The following ZYG11B variants were observed in gnomAD, a reference collection of about 807,000 sequenced individuals.
ZYG11B encodes zyg-11 family member B, cell cycle regulator.
In ZYG11B, 36 loss-of-function variants were observed where a neutral mutation model predicts 82.4. The ratio of observed to expected loss-of-function variants is 0.44; its 90% CI spans 0.33 to 0.58. The LOEUF (loss-of-function observed/expected upper bound fraction) is 0.58. Among genes scored for constraint, ZYG11B ranks in the 20% least tolerant of loss-of-function variants. The pLI is 0.02. For missense variants in ZYG11B, 552 were observed against 895.6 expected (o/e 0.62, Z 4.90); for synonymous variants, 303 against 312.8 (o/e 0.97, Z 0.33).
intron 4 of ZYG11B, among the ~76,000 whole-genome samples, chr1:52,782,403 T>G (rs149837858): frequency 6.6e-6 from 1 of 150,782 alleles, no homozygotes; most frequent in Non-Finnish European, 1.5e-5. Context: ...TTTTTAAAGA[T>G]ACAAGATCTA....
In ZYG11B at chr1:52,824,820, G is replaced by A. The variant is rs932893468; in HGVS notation, c.*3191G>A. 1 of 152,108 alleles carries A rather than the reference G, an allele frequency of 6.6e-6. No individual in the cohort carries two copies. Among genetic ancestry groups the A allele is most frequent in the Non-Finnish European group, 1.5e-5 (1 of 68,026 alleles). 9.4% of individuals were successfully genotyped at this position (152,108 alleles called of 1,614,324 possible). ...TGGAATTATGAGGCATAAGTAGCCA[G>A]TATCTATAGTTAGAATCTACAAGGC... is the stretch of plus-strand genomic sequence containing the variant. On this transcript the variant is annotated 3_prime_UTR_variant, in exon 14 of 14. Coordinates refer to ENST00000294353, the MANE Select transcript of ZYG11B (RefSeq NM_024646.3).
At chr1:52,819,882 C>G (rs1645268235) in intron 13 of ZYG11B, among the ~76,000 whole-genome samples, 1 of 151,098 alleles carries the variant, frequency 6.6e-6, no homozygotes, top group African/African-American at 2.4e-5. Context: ...AGGTTTTACT[C>G]TATGGAATGA....
At chr1:52,790,644 G>A (rs953365697) in intron 6 of ZYG11B, among the ~76,000 whole-genome samples, 10 of 147,410 alleles carry the variant, frequency 6.8e-5, no homozygotes, top group African/African-American at 1.8e-4. Flanking sequence ...TCGTTTGAAC[G>A]GAGGCGGCGG....
rs1417320577 is a variant in ZYG11B at position 52,823,383 on chromosome 1, A to G, written c.*1754A>G. 1 of 152,046 alleles carries G rather than the reference A, an allele frequency of 6.6e-6. No homozygotes were observed. The highest frequency in any genetic ancestry group is 1.5e-5 in the Non-Finnish European group (1 of 68,020). The allele number at this position is 152,046 out of a possible 1,614,324, so 9.4% of individuals were successfully genotyped here. ...CTGACTCAAATAAATATCTAAATAG[A>G]TATTTAGAATCACTGAAAACCATAT... is the stretch of plus-strand genomic sequence containing the variant. On this transcript the variant is annotated 3_prime_UTR_variant, in exon 14 of 14. Coordinates refer to ENST00000294353, the MANE Select transcript of ZYG11B (RefSeq NM_024646.3).
At position 52,822,691 on chromosome 1, in the gene ZYG11B, C is replaced by G. The variant is rs750961050; in HGVS notation, c.*1062C>G. 26 of 152,014 alleles carry G rather than the reference C, an allele frequency of 1.7e-4. No individual in the cohort carries two copies. Among genetic ancestry groups the G allele is most frequent in the Non-Finnish European group, 8.8e-5 (6 of 68,016 alleles). The allele number at this position is 152,014 out of a possible 1,614,324, so 9.4% of individuals were successfully genotyped here. On this transcript the variant is annotated 3_prime_UTR_variant, in exon 14 of 14. Coordinates refer to ENST00000294353, the MANE Select transcript of ZYG11B (RefSeq NM_024646.3). Reference sequence around the variant, plus strand: ...AGAGAAAGTGTCCCCATCTCACTGCCAAAAATGAAAGAAAATAATTAAACT... The same window carrying G: ...AGAGAAAGTGTCCCCATCTCACTGCGAAAAATGAAAGAAAATAATTAAACT...
intron 1 of ZYG11B, among the ~76,000 whole-genome samples, chr1:52,746,198 C>G (rs1030459004): frequency 6.6e-6 from 1 of 152,036 alleles, no homozygotes; most frequent in African/African-American, 2.4e-5. Flanking sequence ...GTGATCCACC[C>G]GCCTTGGCCC....
chr1:52,798,286 ATTAC>A (rs1264307638), intron 8 of ZYG11B, among the ~76,000 whole-genome samples: 1 of 152,016 alleles, frequency 6.6e-6, no homozygotes, highest in Non-Finnish European at 1.5e-5. Flanking sequence ...ATTTGGGAAA[ATTAC>A]TTGAACCATT....
intron 3 of ZYG11B, among the ~76,000 whole-genome samples, chr1:52,777,912 G>T (rs1403537160): frequency 6.6e-6 from 1 of 152,102 alleles, no homozygotes; most frequent in African/African-American, 2.4e-5. Context: ...AAACTTTATT[G>T]TAAAATAAAA....
intron 4 of ZYG11B, among the ~76,000 whole-genome samples, chr1:52,781,631 C>T (rs780511054): frequency 3.9e-5 from 6 of 152,184 alleles, no homozygotes; most frequent in Non-Finnish European, 7.3e-5. Context: ...TACGCACGTT[C>T]AATTTTGAAA....
intron 4 of ZYG11B, among the ~76,000 whole-genome samples, chr1:52,783,893 C>CACGTGTGTGTGTATGTACATAT (rs1553260833): frequency 0.014 from 1,156 of 81,852 alleles, 49 homozygotes; most frequent in African/African-American, 0.04. Flanking sequence ...TATGTACATA[C>CACGTGTGTGTGTATGTACATAT]ACGTGTGTGT....
At position 52,726,472 on chromosome 1, in the gene ZYG11B, GGGCTGCGGCTGC is replaced by G. The variant is rs879654681; in HGVS notation, c.-163_-152del. The G allele has an allele frequency of 4.1e-4, 219 of 529,492 alleles. 1 individual carries two copies. Among genetic ancestry groups the G allele is most frequent in the African/African-American group, 5.6e-4 (28 of 49,944 alleles). The allele number at this position is 529,492 out of a possible 1,614,324, so 32.8% of individuals were successfully genotyped here. A position where few individuals can be genotyped will look rare whatever the true frequency, so the allele number is the denominator to read the frequency against. Reference sequence around the variant, plus strand: ...GGGGGCGGAGTCTGCGCTCTGGTTCGGGCTGCGGCTGCGGCTGCGGCTGCGGCTGCTACTGCT... The same window carrying G: ...GGGGGCGGAGTCTGCGCTCTGGTTCGGGCTGCGGCTGCGGCTGCTACTGCT... On this transcript the variant is annotated 5_prime_UTR_variant, in exon 1 of 14. Coordinates refer to ENST00000294353, the MANE Select transcript of ZYG11B (RefSeq NM_024646.3).
At chr1:52,820,162 C>T (rs1645271520) in intron 13 of ZYG11B, among the ~76,000 whole-genome samples, 1 of 151,572 alleles carries the variant, frequency 6.6e-6, no homozygotes, top group African/African-American at 2.4e-5. Flanking sequence ...TATCTGCTCG[C>T]CTCGGCCTCC....
intron 2 of ZYG11B, among the ~76,000 whole-genome samples, chr1:52,758,364 C>T (rs1246113514): frequency 1.3e-5 from 2 of 151,978 alleles, no homozygotes; most frequent in Non-Finnish European, 2.9e-5. Context: ...CATGTATTTT[C>T]GTGGAATTTT....
intron 1 of ZYG11B, among the ~76,000 whole-genome samples, chr1:52,752,284 A>G (rs1238701301): frequency 6.6e-6 from 1 of 152,180 alleles, no homozygotes; most frequent in Non-Finnish European, 1.5e-5. Flanking sequence ...AAGGATACAA[A>G]TGAACAGCCA....
At chr1:52,754,959 C>CTTT (rs34416689) in intron 1 of ZYG11B, among the ~76,000 whole-genome samples, 5 of 126,680 alleles carry the variant, frequency 3.9e-5, no homozygotes, top group Admixed American at 8.6e-5. Context: ...AAAGCCTATT[C>CTTT]TTTTTTTTTT....
chr1:52,726,626 C>G lies in ZYG11B; in HGVS notation c.-28C>G. 1 of 1,433,076 alleles carries G rather than the reference C, an allele frequency of 7.0e-7. No individual in the cohort carries two copies. 88.8% of individuals were successfully genotyped at this position (1,433,076 alleles called of 1,614,324 possible). A position where few individuals can be genotyped will look rare whatever the true frequency, so the allele number is the denominator to read the frequency against. ...GCCTGGGGGCGGGCTCCGGTCCGGC[C>G]CGCCGCCGCACCCAGGACGGAGGCT... is the stretch of plus-strand genomic sequence containing the variant. On this transcript the variant is annotated 5_prime_UTR_variant, in exon 1 of 14. Transcript: ENST00000294353.
At chr1:52,728,891 A>G (rs1644307035) in intron 1 of ZYG11B, among the ~76,000 whole-genome samples, 1 of 152,016 alleles carries the variant, frequency 6.6e-6, no homozygotes, top group Non-Finnish European at 1.5e-5. Flanking sequence ...GAAAGTAGGA[A>G]GGAATTAGGA....
chr1:52,783,879 T>TGC (rs1644883557), intron 4 of ZYG11B, among the ~76,000 whole-genome samples: 1 of 103,324 alleles, frequency 9.7e-6, no homozygotes, highest in Admixed American at 8.8e-5. Flanking sequence ...TACACGTGTG[T>TGC]GTATATGTAC....
At chr1:52,750,635 A>T (rs1413466747) in intron 1 of ZYG11B, among the ~76,000 whole-genome samples, 2 of 152,188 alleles carry the variant, frequency 1.3e-5, no homozygotes, top group African/African-American at 4.8e-5. Context: ...CATTTCACCT[A>T]TTAAAGTGTA....
Sources: gnomAD v4.1 joint callset for allele counts (sites outside exome capture counted in the v4.1 genomes callset) on GRCh38, gnomAD v4.1.1 for gene constraint, MANE v1.5 for transcripts, NCBI Gene and HGNC (gene_info 2026-07-23, HGNC 2026-07-21) for gene names.